The following LMTK2 variants were observed in gnomAD, a reference collection of about 807,000 sequenced individuals.
LMTK2 encodes serine/threonine-protein kinase LMTK2.
Under a neutral mutation model 127.5 loss-of-function variants are expected in LMTK2, and 37 were observed. The observed-to-expected ratio is 0.29, with a 90% CI of 0.22 to 0.38. The LOEUF (loss-of-function observed/expected upper bound fraction) is 0.38, where lower values mean the gene tolerates loss of function less well. LMTK2 is among the 10% of genes least tolerant of loss of function. The pLI is 1.00. For missense variants in LMTK2, 1,694 were observed against 1,920.3 expected, an observed-to-expected ratio of 0.88 and a Z score of 2.20; for synonymous variants, 819 against 810.1, an observed-to-expected ratio of 1.01 and a Z score of -0.19.
At chr7:98,173,174 C>A (rs768532287) in intron 7 of LMTK2, among the ~76,000 whole-genome samples, 7 of 152,142 alleles carry the variant, frequency 4.6e-5, no homozygotes, top group Non-Finnish European at 8.8e-5. Flanking sequence ...CTTAAACAGG[C>A]GTGGAAAAGT....
At chr7:98,145,720 A>G (rs1796763902) in intron 3 of LMTK2, among the ~76,000 whole-genome samples, 1 of 152,208 alleles carries the variant, frequency 6.6e-6, no homozygotes, top group African/African-American at 2.4e-5. Flanking sequence ...TCATGTCATA[A>G]TAACATGAAT....
chr7:98,197,722 G>A (rs1298915412), intron 11 of LMTK2, among the ~76,000 whole-genome samples: 3 of 152,046 alleles, frequency 2.0e-5, no homozygotes, highest in South Asian at 2.1e-4. Flanking sequence ...CGCACCTATA[G>A]TCTCACCTGC....
chr7:98,169,728 T>C (rs1372483263), intron 6 of LMTK2, among the ~76,000 whole-genome samples: 6 of 152,202 alleles, frequency 3.9e-5, no homozygotes, highest in Non-Finnish European at 8.8e-5. Context: ...TTTAATTGTC[T>C]TCTGAATCAT....
At chr7:98,184,693 G>T (rs572709759) in intron 7 of LMTK2, among the ~76,000 whole-genome samples, 20 of 152,046 alleles carry the variant, frequency 1.3e-4, no homozygotes, top group Middle Eastern at 3.4e-3. Flanking sequence ...TCACAGGCAC[G>T]TCCTTAACCT....
Position 98,191,883 on chromosome 7 carries a change from G to C in LMTK2, c.1418G>C (p.Ser473Thr). The change falls in exon 11 of 14, where the codon AGC becomes ACC. Residue 473 changes from serine to threonine, a missense_variant. Physicochemically the swap from Ser to Thr is moderately conservative, Grantham distance 58 (BLOSUM62 1). Transcript: ENST00000297293. ...LTVTETSQGLSFEYVWEAAKH... is the reference protein window; with the variant it reads ...LTVTETSQGLTFEYVWEAAKH... Reference sequence around the variant, plus strand: ...GTGACCGAAACCAGCCAGGGCCTGAGCTTCGAGTATGTCTGGGAGGCCGCT... The same window carrying C: ...GTGACCGAAACCAGCCAGGGCCTGACCTTCGAGTATGTCTGGGAGGCCGCT... 1 of 1,614,244 alleles carries C rather than the reference G, an allele frequency of 6.2e-7. No individual in the cohort carries two copies. Among genetic ancestry groups the C allele is most frequent in the Non-Finnish European group, 8.5e-7 (1 of 1,180,042 alleles).
chr7:98,162,056 T>G (rs770009296), intron 6 of LMTK2, among the ~76,000 whole-genome samples: 5 of 152,204 alleles, frequency 3.3e-5, no homozygotes, highest in African/African-American at 7.2e-5. Flanking sequence ...TCTTGAAAGT[T>G]CCAGTAGACA....
chr7:98,182,523 C>G (rs1797369649), intron 7 of LMTK2, among the ~76,000 whole-genome samples: 1 of 152,168 alleles, frequency 6.6e-6, no homozygotes, highest in South Asian at 2.1e-4. Flanking sequence ...AAGTCAATTT[C>G]CCATAATGAA....
At chr7:98,170,017 A>G (rs907386715) in intron 6 of LMTK2, among the ~76,000 whole-genome samples, 4 of 152,194 alleles carry the variant, frequency 2.6e-5, no homozygotes, top group African/African-American at 9.7e-5. Flanking sequence ...CAGTTATTTT[A>G]TGTTCATTCT....
intron 13 of LMTK2, among the ~76,000 whole-genome samples, 186 bp from the exon 14 acceptor site, chr7:98,205,278 G>C (rs998709164): frequency 6.6e-6 from 1 of 152,234 alleles, no homozygotes; most frequent in South Asian, 2.1e-4. Context: ...TTTGAGCCTA[G>C]CAGATGTGGG....
intron 3 of LMTK2, among the ~76,000 whole-genome samples, chr7:98,148,461 C>G (rs953750621): frequency 2.7e-5 from 4 of 150,244 alleles, no homozygotes; most frequent in Non-Finnish European, 5.9e-5. Context: ...CCACTGCACT[C>G]CAGCCTGGGT....
intron 5 of LMTK2, among the ~76,000 whole-genome samples, chr7:98,157,913 A>G (rs1336503501): frequency 6.6e-6 from 1 of 152,160 alleles, no homozygotes; most frequent in Non-Finnish European, 1.5e-5. Flanking sequence ...GTGCACGTGC[A>G]GACCTGGCAT....
At chr7:98,203,816 A>C in intron 12 of LMTK2, 110 bp downstream of exon 12, 1 of 1,571,776 alleles carries the variant, frequency 6.4e-7, no homozygotes, top group East Asian at 2.2e-5. Flanking sequence ...TGACATGGGC[A>C]CAGAACTGCC....
intron 7 of LMTK2, among the ~76,000 whole-genome samples, chr7:98,184,564 C>T (rs1584287493): frequency 6.6e-6 from 1 of 152,108 alleles, no homozygotes; most frequent in East Asian, 1.9e-4. Flanking sequence ...CCTTTTTTGA[C>T]TGAGCCATTG....
rs750191772 is a variant in LMTK2, at chr7:98,185,148, T to A, written c.876+13T>A. The stretch of plus-strand genomic sequence containing the variant: ...CAGCAGGTACAAGGTAAGCCAGAGG[T>A]TTAAATGTTTTCAGTCTGATTTAAT... On this transcript the variant is annotated intron_variant, in intron 8 of 13. Coordinates refer to ENST00000297293, the MANE Select transcript of LMTK2 (RefSeq NM_014916.4). 1.8e-5 allele frequency: 28 copies of A among 1,556,606 alleles called. No individual in the cohort carries two copies. Among genetic ancestry groups the A allele is most frequent in the Non-Finnish European group, 2.4e-5 (27 of 1,129,060 alleles).
At position 98,203,883 on chromosome 7, in the gene LMTK2, G is replaced by C. The variant is rs1049028277; in HGVS notation, c.4241-61G>C. The C allele has an allele frequency of 1.6e-5, 26 of 1,602,004 alleles. No individual in the cohort carries two copies. In the Admixed American group the frequency reaches 1.7e-4, roughly 11 times the overall value. On this transcript the variant is annotated intron_variant, in intron 12 of 13. Coordinates refer to ENST00000297293, the MANE Select transcript of LMTK2 (RefSeq NM_014916.4). ...ACCTGCAGGGCGCACCTGCCCAGAGGCTCCCCCTCTCCCTCATCACGCAGT... is the reference window on the plus strand; with the variant it reads ...ACCTGCAGGGCGCACCTGCCCAGAGCCTCCCCCTCTCCCTCATCACGCAGT...
chr7:98,122,708 GTGTGTGTGTGTGTGTGTGTATATA>G (rs1373221459), intron 1 of LMTK2, among the ~76,000 whole-genome samples: 56 of 3,702 alleles, frequency 0.015, no homozygotes, highest in South Asian at 0.11. Flanking sequence ...GTGTGTGTGT[GTGTGTGTGTGTGTGTGTGTATATA>G]TATAACTGGA....
chr7:98,194,300 G>C lies in LMTK2; in HGVS notation c.3835G>C (p.Glu1279Gln). 6.2e-7 allele frequency: 1 copy of C among 1,614,200 alleles called. No homozygotes were observed. The highest frequency in any genetic ancestry group is 8.5e-7 in the Non-Finnish European group (1 of 1,180,044). ...LGVSGMLDLS[E>Q]DGMDADEEDE... Reference sequence around the variant, plus strand: ...GGTGTCAGGGATGCTCGACCTCTCAGAGGACGGGATGGATGCAGACGAGGA... The same window carrying C: ...GGTGTCAGGGATGCTCGACCTCTCACAGGACGGGATGGATGCAGACGAGGA... The change falls in exon 11 of 14, where the codon GAG becomes CAG. Residue 1279 changes from glutamate to glutamine, a missense_variant. Transcript: ENST00000297293. The surrounding 1 kb of genome is among the most constrained non-coding windows in gnomAD (Gnocchi z 5.4).
chr7:98,204,323 A>G (rs572100634), intron 13 of LMTK2, 137 bp downstream of exon 13: 833 of 1,180,730 alleles, frequency 7.1e-4, no homozygotes, highest in Non-Finnish European at 9.3e-4. Flanking sequence ...ACTTGTTTTT[A>G]TAAAACTCCC....
At chr7:98,182,008 A>G (rs1216488051) in intron 7 of LMTK2, among the ~76,000 whole-genome samples, 1 of 152,226 alleles carries the variant, frequency 6.6e-6, no homozygotes, top group Non-Finnish European at 1.5e-5. Context: ...GAGAAAGGAT[A>G]GTGTTTTCAA....
Sources: gnomAD v4.1 joint callset for allele counts (sites outside exome capture counted in the v4.1 genomes callset) on GRCh38, gnomAD v4.1.1 for gene constraint, Gnocchi (gnomAD v3.1) non-coding constraint, MANE v1.5 for transcripts, NCBI Gene and HGNC (gene_info 2026-07-23, HGNC 2026-07-21) for gene names.